The following NHSL1 variants were observed in gnomAD, a reference collection of about 807,000 sequenced individuals.
NHSL1 encodes NHS like 1.
NHSL1 carries 48 observed loss-of-function variants against 95.0 expected under a neutral mutation model. That is an observed-to-expected ratio of 0.51 (90% confidence interval 0.40 to 0.64). The LOEUF is 0.64. NHSL1 is among the 30% of genes least tolerant of loss of function. The pLI, the probability that NHSL1 is intolerant of heterozygous loss-of-function variation, is 0.00. For missense variants in NHSL1, 1,971 were observed against 2,077.7 expected, an observed-to-expected ratio of 0.95 and a Z score of 1.00; for synonymous variants, 783 against 833.9, an observed-to-expected ratio of 0.94 and a Z score of 1.05.
rs140938028 is a variant in NHSL1 at position 138,446,131 on chromosome 6, G to A, written c.532+870C>T. On this transcript the variant is annotated intron_variant, in intron 4 of 7. Coordinates refer to ENST00000343505, the MANE Select transcript of NHSL1 (RefSeq NM_001144060.2). ...CGGCTCACTGCAACCTCTGCCTCCCGGGTTGAAGCAATTCTCCTGCCTCAG... is the reference window on the plus strand; with the variant it reads ...CGGCTCACTGCAACCTCTGCCTCCCAGGTTGAAGCAATTCTCCTGCCTCAG... 2.5e-4 allele frequency among the ~76,000 whole-genome samples: 38 copies of A among 151,126 alleles called. No individual in the cohort carries two copies. In the East Asian group the frequency reaches 5.1e-3, roughly 20 times the overall value.
chr6:138,483,446 T>G (rs1230194284), intron 2 of NHSL1, among the ~76,000 whole-genome samples: 2 of 152,254 alleles, frequency 1.3e-5, no homozygotes, highest in Non-Finnish European at 1.5e-5. Context: ...TGCCATTTTG[T>G]TTCAGGAAAA....
intron 1 of NHSL1, among the ~76,000 whole-genome samples, chr6:138,668,411 C>T (rs1483069095): frequency 1.3e-5 from 2 of 151,848 alleles, no homozygotes; most frequent in East Asian, 3.9e-4. Context: ...CCATTGCACT[C>T]CAACCTGGCC....
rs60572627 is a variant in NHSL1 at position 138,515,462 on chromosome 6, G to A, written c.17-19091C>T. Among the ~76,000 whole-genome samples the A allele has an allele frequency of 3.2e-3, 492 of 152,222 alleles. 1 individual carries two copies. The highest frequency in any genetic ancestry group is 0.011 in the African/African-American group (469 of 41,542). ...GCCTTCTCTGACTTTTTAGTCTTTC[G>A]CATCCTCTCCCCAGGAGGGTGGATT... On this transcript the variant is annotated intron_variant, in intron 1 of 4. Transcript: ENST00000342260.
intron 1 of NHSL1, among the ~76,000 whole-genome samples, chr6:138,536,599 CATCTTTTTTTTTTT>C (rs1487052731): frequency 8.8e-6 from 1 of 113,472 alleles, no homozygotes; most frequent in East Asian, 3.1e-4. Flanking sequence ...GGACATATGT[CATCTTTTTTTTTTT>C]TTTTTTTTTT....
intron 2 of NHSL1, among the ~76,000 whole-genome samples, chr6:138,485,446 TA>T (rs768633258): frequency 0.23 from 26,028 of 115,482 alleles, 2,752 homozygotes; most frequent in African/African-American, 0.3. Context: ...TGCTTACCGT[TA>T]AAAAAAAAAA....
At chr6:138,483,619 TG>T (rs1339454050) in intron 2 of NHSL1, among the ~76,000 whole-genome samples, 3 of 152,226 alleles carry the variant, frequency 2.0e-5, no homozygotes, top group African/African-American at 7.2e-5. Context: ...GACCTCCACC[TG>T]GTCTCCTACA....
intron 1 of NHSL1, among the ~76,000 whole-genome samples, chr6:138,655,903 C>T (rs998744382): frequency 5.3e-5 from 8 of 152,132 alleles, no homozygotes; most frequent in African/African-American, 1.7e-4. Flanking sequence ...ACACAAGACC[C>T]CCACCAAGGC....
intron 1 of NHSL1, among the ~76,000 whole-genome samples, chr6:138,535,078 G>A (rs1235735638): frequency 2.0e-5 from 3 of 152,086 alleles, no homozygotes; most frequent in East Asian, 1.9e-4. Flanking sequence ...GCACGATATC[G>A]CTGGTCTTAA....
At chr6:138,509,824 C>T (rs1368800776) in intron 1 of NHSL1, among the ~76,000 whole-genome samples, 1 of 152,148 alleles carries the variant, frequency 6.6e-6, no homozygotes, top group Non-Finnish European at 1.5e-5. Flanking sequence ...ACCAAGCCCA[C>T]ATTAAGGAAG....
chr6:138,653,954 G>C lies in NHSL1; in HGVS notation c.96+38522C>G, dbSNP rs564145308. Among the ~76,000 whole-genome samples the C allele has an allele frequency of 7.2e-5, 11 of 152,310 alleles. No homozygotes were observed. In the South Asian group the frequency reaches 2.1e-3, roughly 29 times the overall value. On this transcript the variant is annotated intron_variant, in intron 1 of 3. Transcript: ENST00000491526. ...ACCCAGTGATGCAGTAGCAACCACA[G>C]TTTGGAAAATACAGCTCCCTCTATG...
intron 4 of NHSL1, among the ~76,000 whole-genome samples, chr6:138,446,181 G>A (rs530137782): frequency 2.6e-4 from 40 of 151,968 alleles, no homozygotes; most frequent in Non-Finnish European, 2.5e-4. Flanking sequence ...GGGATTACAC[G>A]CACGTGCCAC....
At chr6:138,488,402 C>G (rs1779848681) in intron 2 of NHSL1, among the ~76,000 whole-genome samples, 1 of 152,192 alleles carries the variant, frequency 6.6e-6, no homozygotes, top group South Asian at 2.1e-4. Flanking sequence ...GCTGCAAGTG[C>G]TAAATCATTA....
chr6:138,652,213 G>A (rs1234492028), intron 1 of NHSL1, among the ~76,000 whole-genome samples: 1 of 152,098 alleles, frequency 6.6e-6, no homozygotes, highest in East Asian at 1.9e-4. Context: ...AGGCTGAGGT[G>A]GGCAGATCAC....
chr6:138,619,965 A>AAAT (rs1784632484), intron 1 of NHSL1, among the ~76,000 whole-genome samples: 1 of 151,764 alleles, frequency 6.6e-6, no homozygotes, highest in South Asian at 2.1e-4. Context: ...AAAAAAAAAA[A>AAAT]AAATAGCAAT....
intron 1 of NHSL1, among the ~76,000 whole-genome samples, chr6:138,553,634 A>AC (rs1260059365): frequency 1.3e-4 from 20 of 152,360 alleles, no homozygotes; most frequent in African/African-American, 4.8e-4. Context: ...TAGATAAGAC[A>AC]CATAACCACC....
upstream of NHSL1, among the ~76,000 whole-genome samples, chr6:138,546,449 A>AAAC (rs1782803759): frequency 6.7e-6 from 1 of 148,348 alleles, no homozygotes; most frequent in African/African-American, 2.5e-5. Context: ...AAAAAAAAAA[A>AAAC]AAAAAAAAAA....
intron 1 of NHSL1, among the ~76,000 whole-genome samples, chr6:138,642,515 C>T (rs1784971208): frequency 6.6e-6 from 1 of 152,088 alleles, no homozygotes; most frequent in Admixed American, 6.5e-5. Context: ...TGTGTCTCCA[C>T]TAAATGGTTT....
intron 2 of NHSL1, 43 bp downstream of exon 2, chr6:138,496,176 C>A: frequency 1.3e-6 from 2 of 1,545,720 alleles, no homozygotes; most frequent in Non-Finnish European, 8.8e-7. Context: ...CTCTCAGCAG[C>A]CAGTAACCCA....
At chr6:138,670,809 G>A (rs1338035024) in intron 1 of NHSL1, among the ~76,000 whole-genome samples, 2 of 151,974 alleles carry the variant, frequency 1.3e-5, no homozygotes, top group Non-Finnish European at 2.9e-5. Flanking sequence ...TGAAAAACCT[G>A]ATAGCAAAAA....
Sources: allele counts gnomAD v4.1 joint callset (sites outside exome capture counted in the v4.1 genomes callset), GRCh38; gene constraint gnomAD v4.1.1; transcripts MANE v1.5; gene names NCBI Gene and HGNC (gene_info 2026-07-23, HGNC 2026-07-21).